ALG8: variants seen among roughly 807,000 people sequenced by gnomAD.
ALG8 encodes dolichyl pyrophosphate Glc1Man9GlcNAc2 alpha-1,3-glucosyltransferase.
A neutral mutation model predicts 70.2 loss-of-function variants in ALG8; 48 were observed. The observed-to-expected ratio is 0.68, with a 90% confidence interval of 0.54 to 0.87. The LOEUF (loss-of-function observed/expected upper bound fraction) is 0.87. Among genes scored for constraint, ALG8 ranks in the 40% least tolerant of loss-of-function variants. The pLI is 0.00. For missense variants in ALG8, 572 were observed against 608.7 expected (o/e 0.94, Z 0.64); for synonymous variants, 234 against 229.0 (o/e 1.02, Z -0.20).
Position 78,113,914 on chromosome 11 carries a change from G to T in ALG8, c.749C>A (p.Ala250Asp). 6.4e-7 allele frequency: 1 copy of T among 1,568,870 alleles called. No individual in the cohort carries two copies. The highest frequency in any genetic ancestry group is 1.2e-5 in the South Asian group (1 of 86,064). ...GGCCAGGAAAGGACCCAATGAAAGA[G>T]CAGAAACTAAGAAAACAACCAGTCC... Reference protein sequence around the residue: ...SLGLVVFLVSALSLGPFLALN... With the variant: ...SLGLVVFLVSDLSLGPFLALN... Residue 250 changes from alanine to aspartate, a missense_variant, in exon 7 of 13, where the codon GCT becomes GAT. By Grantham distance (126) the Ala-to-Asp change is moderately radical (BLOSUM62 -2). Transcript: ENST00000299626.
At chr11:78,117,975 G>GCGGGAGAATGGCGTGAACC (rs1332154808) in intron 5 of ALG8, among the ~76,000 whole-genome samples, 4 of 151,630 alleles carry the variant, frequency 2.6e-5, no homozygotes, top group East Asian at 3.9e-4. Context: ...GGAGGCTGAG[G>GCGGGAGAATGGCGTGAACC]CGGGAGAATG....
intron 3 of ALG8, 110 bp downstream of exon 3, chr11:78,123,911 T>C (rs1590829732): frequency 8.3e-7 from 1 of 1,209,112 alleles, no homozygotes; most frequent in East Asian, 2.3e-5. Context: ...GTTTTAGCAT[T>C]TGCTATCATA....
At chr11:78,115,602 C>T (rs1439658289) in intron 5 of ALG8, among the ~76,000 whole-genome samples, 5 of 152,116 alleles carry the variant, frequency 3.3e-5, no homozygotes, top group Non-Finnish European at 5.9e-5. Flanking sequence ...CCAGGCTGGT[C>T]TCAAACTCCT....
At chr11:78,109,349 A>T in intron 9 of ALG8, 93 bp downstream of exon 9, 1 of 1,530,806 alleles carries the variant, frequency 6.5e-7, no homozygotes, top group Non-Finnish European at 9.0e-7. Flanking sequence ...TTTATCCTAC[A>T]GTTGGAAGAG....
At position 78,106,194 on chromosome 11, in the gene ALG8, G is replaced by GT. The variant is rs572161862; in HGVS notation, c.1178+612dup. On this transcript the variant is annotated intron_variant, in intron 10 of 12. Coordinates refer to ENST00000299626, the MANE Select transcript of ALG8 (RefSeq NM_024079.5). ...CAGACGGGATGACACCAAAGCCCAAGTTTTTTCTTTTTTTCATTTTTGAGA... is the reference window on the plus strand; with the variant it reads ...CAGACGGGATGACACCAAAGCCCAAGTTTTTTTCTTTTTTTCATTTTTGAGA... Among the ~76,000 whole-genome samples the GT allele has an allele frequency of 3.5e-3, 526 of 151,954 alleles. 2 individuals are homozygous for GT. Among genetic ancestry groups the GT allele is most frequent in the Non-Finnish European group, 5.6e-3 (380 of 67,910 alleles).
chr11:78,106,818 A>C lies in ALG8; in HGVS notation c.1167T>G (p.Ile389Met). 1.2e-6 allele frequency: 2 copies of C among 1,614,060 alleles called. No individual in the cohort carries two copies. The highest frequency in any genetic ancestry group is 1.7e-6 in the Non-Finnish European group (2 of 1,179,970). Reference sequence around the variant, plus strand: ...AGCTATCTGCTTACCTCATTGGGAGAATTGCTAGAAGTATGGCTTTTTCAT... The same window carrying C: ...AGCTATCTGCTTACCTCATTGGGAGCATTGCTAGAAGTATGGCTTTTTCAT... ...HVHEKAILLA[I>M]LPMSLLSVGK... Residue 389 changes from isoleucine (I) to methionine (M), a missense_variant, in exon 10 of 13, where the codon ATT becomes ATG. Coordinates refer to ENST00000299626, the MANE Select transcript of ALG8 (RefSeq NM_024079.5).
chr11:78,114,082 A>G, intron 6 of ALG8, 93 bp from the exon 7 acceptor site: 1 of 1,369,000 alleles, frequency 7.3e-7, no homozygotes, highest in Non-Finnish European at 1.0e-6. Flanking sequence ...GTATCCCACA[A>G]TAGTATACCA....
chr11:78,133,297 T>C (rs1486464206), intron 1 of ALG8: 2 of 152,248 alleles, frequency 1.3e-5, no homozygotes, highest in African/African-American at 2.4e-5. Flanking sequence ...TGGTACATAA[T>C]AAAGCAATTA....
intron 1 of ALG8, among the ~76,000 whole-genome samples, chr11:78,135,904 C>G (rs1830834261): frequency 6.6e-6 from 1 of 150,750 alleles, no homozygotes; most frequent in Admixed American, 6.6e-5. Context: ...TGCAGTGGCT[C>G]ATGTCTGTAA....
chr11:78,129,906 G>A (rs630227), intron 1 of ALG8, among the ~76,000 whole-genome samples: 33,094 of 151,984 alleles, frequency 0.22, 4,433 homozygotes, highest in African/African-American at 0.38. Flanking sequence ...TGAAAAAACA[G>A]TAATTACACA....
chr11:78,130,816 T>C (rs1397246753), intron 1 of ALG8, among the ~76,000 whole-genome samples: 1 of 152,158 alleles, frequency 6.6e-6, no homozygotes, highest in Non-Finnish European at 1.5e-5. Flanking sequence ...CCCTGTGTTT[T>C]TTTTCTGAAA....
chr11:78,126,495 GCACTCC>G (rs1861084411), intron 2 of ALG8, among the ~76,000 whole-genome samples: 2 of 144,446 alleles, frequency 1.4e-5, no homozygotes, highest in South Asian at 4.3e-4. Context: ...TTGTGCCACT[GCACTCC>G]AGCCTGGGTG....
Position 78,110,501 on chromosome 11 carries a change from C to G in ALG8, c.899-920G>C, listed in dbSNP as rs182419813. Among the ~76,000 whole-genome samples the G allele has an allele frequency of 2.1e-3, 319 of 152,290 alleles. 1 individual carries two copies. The highest frequency in any genetic ancestry group is 7.3e-3 in the African/African-American group (304 of 41,562). ...GCCAACGTGCACAGCTGAGTGAGCT[C>G]ACTCTAACAGTGTTCACCACAAGGC... is the stretch of plus-strand genomic sequence containing the variant. On this transcript the variant is annotated intron_variant, in intron 8 of 12. Transcript: ENST00000299626.
At chr11:78,135,372 A>T (rs1403835487) in intron 1 of ALG8, 1 of 151,952 alleles carries the variant, frequency 6.6e-6, no homozygotes. Flanking sequence ...AAAAAAAATC[A>T]ACTACTCAAC....
At chr11:78,119,341 T>C (rs773337851) in intron 4 of ALG8, 92 bp from the exon 5 acceptor site, 39 of 910,564 alleles carry the variant, frequency 4.3e-5, no homozygotes, top group Non-Finnish European at 6.6e-5. Flanking sequence ...AATGCTTTAA[T>C]AGCAAAATTA....
chr11:78,123,315 GAA>G (rs1220218900), intron 3 of ALG8, among the ~76,000 whole-genome samples: 5,391 of 88,580 alleles, frequency 0.061, 63 homozygotes, highest in Middle Eastern at 0.2. Context: ...GGAAAAAAAA[GAA>G]AAAAAAAAAA....
At chr11:78,119,404 A>G (rs1210889294) in intron 4 of ALG8, among the ~76,000 whole-genome samples, 155 bp from the exon 5 acceptor site, 2 of 151,406 alleles carry the variant, frequency 1.3e-5, no homozygotes, top group Non-Finnish European at 2.9e-5. Flanking sequence ...TGTTTTCTAT[A>G]AACAGATTCA....
chr11:78,129,195 C>T (rs585141), intron 1 of ALG8, among the ~76,000 whole-genome samples: 32,912 of 151,056 alleles, frequency 0.22, 4,423 homozygotes, highest in African/African-American at 0.38. Context: ...CTGAGGCAGG[C>T]GGATCACGAG....
chr11:78,132,576 C>G (rs1861349534), intron 1 of ALG8, among the ~76,000 whole-genome samples: 1 of 152,158 alleles, frequency 6.6e-6, no homozygotes, highest in Non-Finnish European at 1.5e-5. Flanking sequence ...GTTGCTTATT[C>G]CATGCCAGCT....
Sources: allele counts gnomAD v4.1 joint callset (sites outside exome capture counted in the v4.1 genomes callset), GRCh38; gene constraint gnomAD v4.1.1; transcripts MANE v1.5; gene names NCBI Gene and HGNC (gene_info 2026-07-23, HGNC 2026-07-21).